HACD4: variants seen among roughly 807,000 people sequenced by gnomAD.
The protein encoded by HACD4 is 3-hydroxyacyl-CoA dehydratase 4.
A neutral mutation model predicts 33.3 loss-of-function variants in HACD4; 35 were observed. That is an observed-to-expected ratio of 1.05 (90% CI 0.80 to 1.39). HACD4 has a LOEUF of 1.39. HACD4 is among the 40% of genes most tolerant of loss of function. HACD4 has a pLI of 0.00. For synonymous variants in HACD4, 118 were observed against 98.0 expected, an observed-to-expected ratio of 1.20 and a Z score of -1.21; for missense variants, 323 against 276.5, an observed-to-expected ratio of 1.17 and a Z score of -1.19.
intron 1 of HACD4, among the ~76,000 whole-genome samples, chr9:21,031,154 G>T (rs10964803): frequency 6.6e-6 from 1 of 151,714 alleles, no homozygotes. Context: ...TCTGTTCCCC[G>T]CCGGAACTAG....
chr9:21,025,268 A>T (rs1818032286), intron 3 of HACD4, among the ~76,000 whole-genome samples: 1 of 152,180 alleles, frequency 6.6e-6, no homozygotes, highest in Admixed American at 6.5e-5. Context: ...AATATTCCAT[A>T]AACTTGTAAT....
At chr9:21,019,372 T>A (rs1817844275) in intron 3 of HACD4, among the ~76,000 whole-genome samples, 1 of 152,120 alleles carries the variant, frequency 6.6e-6, no homozygotes, top group Admixed American at 6.6e-5. Flanking sequence ...ATACCAGAGA[T>A]AATAATTAGC....
At chr9:21,011,545 T>C (rs763782593) in intron 5 of HACD4, 44 bp downstream of exon 5, 2 of 1,171,158 alleles carry the variant, frequency 1.7e-6, no homozygotes, top group South Asian at 2.5e-5. Flanking sequence ...TATAACTAGA[T>C]GGCTTTTGTC....
chr9:21,017,406 T>C (rs1842582254), intron 3 of HACD4, among the ~76,000 whole-genome samples: 1 of 149,580 alleles, frequency 6.7e-6, no homozygotes, highest in African/African-American at 2.4e-5. Flanking sequence ...GTTTTTCTTT[T>C]TTCAGTCTTT....
At position 21,004,947 on chromosome 9, in the gene HACD4, A is replaced by G. The variant is rs1043491483; in HGVS notation, c.*2090T>C. On this transcript the variant is annotated 3_prime_UTR_variant, in exon 7 of 7. Coordinates refer to ENST00000495827, the MANE Select transcript of HACD4 (RefSeq NM_001010915.5). The surrounding 1 kb of genome is among the most constrained non-coding windows in gnomAD (Gnocchi z 4.6). ...ATAGAGGTGATTTTGGTGAGGGCTC[A>G]AAGAGAAGAGGGTGGGAGAGAAAGC... is the stretch of plus-strand genomic sequence containing the variant. 6.6e-6 allele frequency: 1 copy of G among 152,284 alleles called. No individual in the cohort carries two copies. Among genetic ancestry groups the G allele is most frequent in the African/African-American group, 2.4e-5 (1 of 41,558 alleles). 9.4% of individuals were successfully genotyped at this position (152,284 alleles called of 1,614,324 possible). A position where few individuals can be genotyped will look rare whatever the true frequency, so the allele number is the denominator to read the frequency against.
chr9:21,030,614 G>A (rs1818186978), intron 1 of HACD4, among the ~76,000 whole-genome samples: 1 of 152,110 alleles, frequency 6.6e-6, no homozygotes, highest in South Asian at 2.1e-4. Context: ...TCCAAATGTT[G>A]GGTAATTCAG....
Position 21,011,671 on chromosome 9 carries a change from G to A in HACD4, c.408C>T (p.Val136=). 6.2e-7 allele frequency: 1 copy of A among 1,604,328 alleles called. No individual in the cohort carries two copies. The highest frequency in any genetic ancestry group is 8.5e-7 in the Non-Finnish European group (1 of 1,171,906). ...MVRYTYSMLS[V]IGISYAVLTW... is the part of the protein sequence containing the mutation. ...TCAAGACAGCATAGGATATTCCTAT[G>A]ACTGATAACATGCTATAAGTGTACC... The change falls in exon 5 of 7, where the codon GTC becomes GTT. Residue 136 remains valine, a synonymous_variant. Coordinates refer to ENST00000495827, the MANE Select transcript of HACD4 (RefSeq NM_001010915.5).
At position 21,014,242 on chromosome 9, in the gene HACD4, A is replaced by C. The variant is rs570706392; in HGVS notation, c.383+1656T>G. 1.6e-4 allele frequency among the ~76,000 whole-genome samples: 24 copies of C among 152,348 alleles called. No individual in the cohort carries two copies. In the South Asian group the frequency reaches 5.0e-3, roughly 32 times the overall value. On this transcript the variant is annotated intron_variant, in intron 4 of 6. Transcript: ENST00000495827. The stretch of plus-strand genomic sequence containing the variant: ...TCCTAGGTATAAGGGAAATGAAAAC[A>C]TGTGCACACAAAAGCTTGTATATGG...
At chr9:21,029,638 C>T (rs568915911) in intron 1 of HACD4, among the ~76,000 whole-genome samples, 2 of 152,262 alleles carry the variant, frequency 1.3e-5, no homozygotes, top group East Asian at 3.9e-4. Flanking sequence ...CCTGGTACAC[C>T]CCATCAGCTG....
At chr9:21,018,714 A>G (rs1817822993) in intron 3 of HACD4, among the ~76,000 whole-genome samples, 1 of 152,176 alleles carries the variant, frequency 6.6e-6, no homozygotes, top group South Asian at 2.1e-4. Flanking sequence ...CAGGTAGAGT[A>G]AAAGGTATAG....
chr9:21,002,172 G>C lies in HACD4; in HGVS notation c.*4865C>G, dbSNP rs1166684698. 1 of 151,922 alleles carries C rather than the reference G, an allele frequency of 6.6e-6. No individual in the cohort carries two copies. Among genetic ancestry groups the C allele is most frequent in the Non-Finnish European group, 1.5e-5 (1 of 67,942 alleles). 9.4% of individuals were successfully genotyped at this position (151,922 alleles called of 1,614,324 possible). ...CTGGCATAAGTCCAAATTACCTTCC[G>C]GATATTAAATGTCACCCTATGGTAA... On this transcript the variant is annotated 3_prime_UTR_variant, in exon 7 of 7. Coordinates refer to ENST00000495827, the MANE Select transcript of HACD4 (RefSeq NM_001010915.5).
intron 3 of HACD4, among the ~76,000 whole-genome samples, chr9:21,016,290 C>G (rs1051507928): frequency 6.6e-6 from 1 of 152,100 alleles, no homozygotes; most frequent in African/African-American, 2.4e-5. Flanking sequence ...GCATGTGTTT[C>G]TAGTCACTTT....
At chr9:21,007,625 G>C (rs1474004363) in intron 6 of HACD4, among the ~76,000 whole-genome samples, 1 of 152,140 alleles carries the variant, frequency 6.6e-6, no homozygotes, top group African/African-American at 2.4e-5. Flanking sequence ...TTGCCTGATA[G>C]GAAGTGCCAG....
intron 6 of HACD4, 110 bp downstream of exon 6, chr9:21,007,911 T>TGTAGA: frequency 1.1e-6 from 1 of 943,776 alleles, no homozygotes; most frequent in Non-Finnish European, 1.5e-6. Context: ...GATGTCAGGC[T>TGTAGA]TCCTCTTTGG....
rs565854638 is a variant in HACD4 at position 21,019,546 on chromosome 9, G to C, written c.271-3536C>G. Among the ~76,000 whole-genome samples the C allele has an allele frequency of 1.5e-3, 232 of 152,154 alleles. 3 individuals carry two copies. The highest frequency in any genetic ancestry group is 5.5e-3 in the African/African-American group (227 of 41,552). On this transcript the variant is annotated intron_variant, in intron 3 of 6. Transcript: ENST00000495827. ...AAGTATTTAAATATACTTTAATGTA[G>C]TGATTTACATTGTATTTACAGGAAA...
At chr9:21,025,820 C>T (rs1053583364) in intron 3 of HACD4, among the ~76,000 whole-genome samples, 2 of 152,106 alleles carry the variant, frequency 1.3e-5, no homozygotes, top group East Asian at 1.9e-4. Context: ...TAATAGCTGC[C>T]GAGTATTGTA....
In HACD4 at chr9:21,008,016, C is replaced by G; in HGVS notation, c.616+5G>C. 1 of 1,579,176 alleles carries G rather than the reference C, an allele frequency of 6.3e-7. No homozygotes were observed. The highest frequency in any genetic ancestry group is 1.4e-5 in the African/African-American group (1 of 72,458). Reference sequence around the variant, plus strand: ...TGCAAAAACAAGACCAAAAAAGCCACTTACCTATAAAGAGCATCATGAGAT... The same window carrying G: ...TGCAAAAACAAGACCAAAAAAGCCAGTTACCTATAAAGAGCATCATGAGAT... On this transcript the variant is annotated splice_donor_5th_base_variant and intron_variant, in intron 6 of 6. Coordinates refer to ENST00000495827, the MANE Select transcript of HACD4 (RefSeq NM_001010915.5).
intron 5 of HACD4, among the ~76,000 whole-genome samples, chr9:21,010,338 A>G (rs1237149587): frequency 6.6e-6 from 1 of 151,646 alleles, no homozygotes; most frequent in East Asian, 1.9e-4. Context: ...TTAGGTTTAT[A>G]TTTAGGCTAT....
chr9:21,007,991 T>A, intron 6 of HACD4, 30 bp downstream of exon 6: 2 of 1,567,752 alleles, frequency 1.3e-6, no homozygotes, highest in Non-Finnish European at 1.7e-6. Context: ...ACAGGAAAAA[T>A]GCAAAAACAA....
Sources: allele counts gnomAD v4.1 joint callset (sites outside exome capture counted in the v4.1 genomes callset), GRCh38; gene constraint gnomAD v4.1.1; non-coding constraint Gnocchi (gnomAD v3.1); transcripts MANE v1.5; gene names NCBI Gene and HGNC (gene_info 2026-07-23, HGNC 2026-07-21).